TENM2: variants seen among roughly 807,000 people sequenced by gnomAD.
The protein encoded by TENM2 is teneurin transmembrane protein 2.
In TENM2, 52 loss-of-function variants were observed where a neutral mutation model predicts 245.2. That is an observed-to-expected ratio of 0.21 (90% CI 0.17 to 0.27). TENM2 has a LOEUF of 0.27. Among genes scored for constraint, TENM2 ranks in the 10% least tolerant of loss-of-function variants. The probability of loss-of-function intolerance (pLI) is 1.00; values close to 1 mark genes in which losing one functional copy is unlikely to be tolerated. For synonymous variants in TENM2, 1,363 were observed against 1,438.9 expected (o/e 0.95, Z 1.19); for missense variants, 3,046 against 3,666.8 (o/e 0.83, Z 4.37).
chr5:167,282,804 C>T (rs28587061), upstream of TENM2, among the ~76,000 whole-genome samples: 34,470 of 151,840 alleles, frequency 0.23, 4,550 homozygotes, highest in Middle Eastern at 0.31. Flanking sequence ...GGGATTTGGG[C>T]ATCTAGTAAT....
At chr5:167,554,301 G>T (rs1773128092) in intron 2 of TENM2, among the ~76,000 whole-genome samples, 1 of 152,188 alleles carries the variant, frequency 6.6e-6, no homozygotes, top group South Asian at 2.1e-4. Flanking sequence ...AAATAGAAAA[G>T]ATGATAACCC....
chr5:167,640,860 CATATATATAT>C (rs58985992), intron 2 of TENM2, among the ~76,000 whole-genome samples: 1,625 of 47,256 alleles, frequency 0.034, 43 homozygotes, highest in East Asian at 0.057. Context: ...TATATATATC[CATATATATAT>C]ATATATATAT....
At chr5:167,478,161 C>A (rs1015697461) in intron 2 of TENM2, among the ~76,000 whole-genome samples, 2 of 152,186 alleles carry the variant, frequency 1.3e-5, no homozygotes, top group Non-Finnish European at 1.5e-5. Flanking sequence ...ACAAACAAGG[C>A]TCAATGGCCA....
chr5:167,025,271 T>C, the TENM2 span, among the ~76,000 whole-genome samples: 1 of 152,192 alleles, frequency 6.6e-6, no homozygotes, highest in African/African-American at 2.4e-5. Context: ...TTTTACATTC[T>C]TTTTTCATAC....
chr5:167,561,991 G>T (rs2127642075), intron 2 of TENM2, among the ~76,000 whole-genome samples: 1 of 152,236 alleles, frequency 6.6e-6, no homozygotes, highest in Middle Eastern at 3.4e-3. Flanking sequence ...CTTTGGTTTT[G>T]GAAAAGGCCG....
intron 2 of TENM2, among the ~76,000 whole-genome samples, chr5:167,640,905 ATCTTTCTCTTAAGCTTAGTGGTTC>A (rs1233060427): frequency 3.6e-4 from 36 of 98,830 alleles, no homozygotes; most frequent in Admixed American, 1.8e-3. Context: ...ATATATATAT[ATCTTTCTCTTAAGCTTAGTGGTTC>A]TCAAAGAGTG....
intron 1 of TENM2, among the ~76,000 whole-genome samples, chr5:167,325,943 G>C (rs942955952): frequency 1.3e-5 from 2 of 152,162 alleles, no homozygotes; most frequent in African/African-American, 2.4e-5. Context: ...ATGGCATAGA[G>C]AGAGTAACTT....
At chr5:167,809,547 G>A (rs1766475727) in intron 2 of TENM2, among the ~76,000 whole-genome samples, 1 of 152,068 alleles carries the variant, frequency 6.6e-6, no homozygotes, top group Admixed American at 6.6e-5. Flanking sequence ...ATCCCAAATG[G>A]GTCAAAATAC....
chr5:167,170,122 T>C, the TENM2 span, among the ~76,000 whole-genome samples: 1 of 152,260 alleles, frequency 6.6e-6, no homozygotes, highest in Non-Finnish European at 1.5e-5. Context: ...TGGAATCTTA[T>C]GTCTTCTTTC....
intron 10 of TENM2, among the ~76,000 whole-genome samples, chr5:168,123,154 C>T (rs1377461982): frequency 1.3e-5 from 2 of 151,336 alleles, no homozygotes; most frequent in East Asian, 1.9e-4. Flanking sequence ...AAAAACATAG[C>T]TGGACATGGC....
At chr5:167,150,553 A>G in the TENM2 span, among the ~76,000 whole-genome samples, 1 of 152,354 alleles carries the variant, frequency 6.6e-6, no homozygotes, top group East Asian at 1.9e-4. Flanking sequence ...GCTAACACTC[A>G]CATAGTGCTT....
intron 5 of TENM2, among the ~76,000 whole-genome samples, chr5:168,020,129 A>G (rs142978376): frequency 1.4e-3 from 213 of 152,312 alleles, no homozygotes; most frequent in African/African-American, 4.8e-3. Flanking sequence ...TTGGGAAGAG[A>G]ATGTCGAGGA....
chr5:168,163,339 A>C (rs1049343053), intron 13 of TENM2, among the ~76,000 whole-genome samples: 3 of 152,240 alleles, frequency 2.0e-5, no homozygotes, highest in African/African-American at 7.2e-5. Context: ...CTGTAAGCTA[A>C]AAATAGTTTT....
intron 4 of TENM2, among the ~76,000 whole-genome samples, chr5:167,989,264 G>A (rs1317062583): frequency 8.1e-6 from 1 of 124,094 alleles, no homozygotes; most frequent in Non-Finnish European, 1.6e-5. Flanking sequence ...ATAGAAGATA[G>A]AGAAAGAGAG....
the TENM2 span, among the ~76,000 whole-genome samples, chr5:167,000,192 A>C: frequency 2.6e-5 from 4 of 152,220 alleles, no homozygotes; most frequent in Admixed American, 6.5e-5. Flanking sequence ...AGCTAAAGGG[A>C]GTTCAGAAAA....
chr5:167,769,049 A>G (rs1021490423), intron 2 of TENM2, among the ~76,000 whole-genome samples: 2 of 152,208 alleles, frequency 1.3e-5, no homozygotes, highest in African/African-American at 2.4e-5. Flanking sequence ...GTTGAAAACT[A>G]TGGAATCTCC....
At position 167,311,250 on chromosome 5, in the gene TENM2, AT is replaced by A. The variant is rs1451206767; in HGVS notation, c.226+26188del. 1.2e-3 allele frequency among the ~76,000 whole-genome samples: 187 copies of A among 152,344 alleles called. 1 individual carries two copies. Among genetic ancestry groups the A allele is most frequent in the Non-Finnish European group, 8.8e-5 (6 of 68,032 alleles). ...TGCGCTGTACTCCTTTTTGCTGGTT[AT>A]AAAAATAATTCACATCCATTTTAAA... On this transcript the variant is annotated intron_variant, in intron 1 of 28. Transcript: ENST00000518659.
the TENM2 span, among the ~76,000 whole-genome samples, chr5:167,168,765 A>G: frequency 1.3e-5 from 2 of 151,812 alleles, no homozygotes; most frequent in East Asian, 1.9e-4. Context: ...TTTTTAATCA[A>G]TTTATGTTTT....
intron 25 of TENM2, among the ~76,000 whole-genome samples, chr5:168,238,870 A>G (rs1581732281): frequency 1.3e-5 from 2 of 152,220 alleles, no homozygotes; most frequent in South Asian, 4.1e-4. Flanking sequence ...CCCGATAATT[A>G]AAAATAATGG....
Sources: allele counts gnomAD v4.1 joint callset (sites outside exome capture counted in the v4.1 genomes callset), GRCh38; gene constraint gnomAD v4.1.1; transcripts MANE v1.5; gene names NCBI Gene and HGNC (gene_info 2026-07-23, HGNC 2026-07-21).